The following GUCY1A2 variants were observed in gnomAD, a reference collection of about 807,000 sequenced individuals.
GUCY1A2 encodes the protein guanylate cyclase soluble subunit alpha-2.
Under a neutral mutation model 63.5 loss-of-function variants are expected in GUCY1A2, and 27 were observed. That is an observed-to-expected ratio of 0.43 (90% CI 0.31 to 0.59). The LOEUF is 0.59. Among genes scored for constraint, GUCY1A2 ranks in the 20% least tolerant of loss-of-function variants. The pLI is 0.11. For synonymous variants in GUCY1A2, 364 were observed against 343.5 expected (o/e 1.06, Z -0.66); for missense variants, 768 against 913.3 (o/e 0.84, Z 2.05).
chr11:106,777,012 T>G (rs1864369490), intron 5 of GUCY1A2, among the ~76,000 whole-genome samples: 1 of 152,176 alleles, frequency 6.6e-6, no homozygotes, highest in Non-Finnish European at 1.5e-5. Flanking sequence ...TTTAGATATA[T>G]CTGTAATTTT....
At chr11:106,900,101 A>T (rs1860109887) in intron 4 of GUCY1A2, among the ~76,000 whole-genome samples, 1 of 152,100 alleles carries the variant, frequency 6.6e-6, no homozygotes, top group Non-Finnish European at 1.5e-5. Flanking sequence ...AAAAAAAAAA[A>T]AACAATCTAT....
chr11:106,810,507 G>A (rs1858749177), intron 4 of GUCY1A2, 29 bp from the exon 5 acceptor site: 1 of 1,544,832 alleles, frequency 6.5e-7, no homozygotes, highest in Non-Finnish European at 8.7e-7. Context: ...ATTTTGATCA[G>A]TACTCTTCAC....
At chr11:106,872,194 T>C (rs767656987) in intron 4 of GUCY1A2, among the ~76,000 whole-genome samples, 3 of 152,146 alleles carry the variant, frequency 2.0e-5, no homozygotes, top group Admixed American at 6.6e-5. Context: ...CCTTGTAACA[T>C]AGGAATCATC....
rs943890099 is a variant in GUCY1A2 at position 106,676,445 on chromosome 11, G to A, written c.*11104C>T. ...ATTCTGGTGAATACTCAAAATTGTAGCTAAAAACAGCTATCTGAATATAGG... is the reference window on the plus strand; with the variant it reads ...ATTCTGGTGAATACTCAAAATTGTAACTAAAAACAGCTATCTGAATATAGG... On this transcript the variant is annotated 3_prime_UTR_variant, in exon 8 of 8. Transcript: ENST00000526355. 1 of 185,742 alleles carries A rather than the reference G, an allele frequency of 5.4e-6. No homozygotes were observed. The highest frequency in any genetic ancestry group is 1.1e-5 in the Non-Finnish European group (1 of 88,114). 11.5% of individuals were successfully genotyped at this position (185,742 alleles called of 1,614,324 possible).
chr11:106,732,978 C>T (rs2135372824), intron 6 of GUCY1A2, among the ~76,000 whole-genome samples: 1 of 152,252 alleles, frequency 6.6e-6, no homozygotes, highest in South Asian at 2.1e-4. Context: ...AAAAATAACA[C>T]AGGAATGGAA....
chr11:106,842,399 G>A (rs2200656), intron 4 of GUCY1A2, among the ~76,000 whole-genome samples: 84,219 of 151,794 alleles, frequency 0.55, 23,676 homozygotes, highest in Middle Eastern at 0.64. Context: ...AGGCCACTAT[G>A]TAGTCCCTTT....
intron 4 of GUCY1A2, among the ~76,000 whole-genome samples, chr11:106,829,197 C>T (rs904330536): frequency 6.6e-6 from 1 of 152,184 alleles, no homozygotes; most frequent in Admixed American, 6.5e-5. Flanking sequence ...TGCATTTTAT[C>T]GTCCTGCAGT....
At chr11:106,802,996 G>C (rs866256805) in intron 5 of GUCY1A2, among the ~76,000 whole-genome samples, 8 of 151,852 alleles carry the variant, frequency 5.3e-5, no homozygotes, top group South Asian at 4.2e-4. Context: ...ATATCGATAG[G>C]GACAAAAACC....
chr11:106,707,666 G>A (rs1046795958), intron 7 of GUCY1A2, among the ~76,000 whole-genome samples: 1 of 151,812 alleles, frequency 6.6e-6, no homozygotes, highest in Non-Finnish European at 1.5e-5. Flanking sequence ...TAAGTTTGGG[G>A]ATATAATGAT....
chr11:106,968,920 T>G (rs1197697573), intron 3 of GUCY1A2, among the ~76,000 whole-genome samples: 1 of 152,092 alleles, frequency 6.6e-6, no homozygotes, highest in Non-Finnish European at 1.5e-5. Flanking sequence ...AGATGTCACT[T>G]TAGGTACTAC....
At chr11:107,015,705 A>T (rs1306165975) in intron 1 of GUCY1A2, among the ~76,000 whole-genome samples, 1 of 151,752 alleles carries the variant, frequency 6.6e-6, no homozygotes, top group Non-Finnish European at 1.5e-5. Flanking sequence ...TATTGCACAA[A>T]TGTTGCTTTA....
At chr11:106,957,375 G>A (rs760104655) in intron 3 of GUCY1A2, among the ~76,000 whole-genome samples, 13 of 152,240 alleles carry the variant, frequency 8.5e-5, no homozygotes, top group Non-Finnish European at 1.8e-4. Context: ...CTCCAGCTGA[G>A]AGGCTGTAAG....
At chr11:106,781,112 C>CAAAAAAAAAAAAAAAAAAAAAA (rs565279937) in intron 5 of GUCY1A2, among the ~76,000 whole-genome samples, 1 of 89,032 alleles carries the variant, frequency 1.1e-5, no homozygotes, top group African/African-American at 4.1e-5. Context: ...AAACAGACTA[C>CAAAAAAAAAAAAAAAAAAAAAA]AAAAAAAAAA....
At position 106,729,072 on chromosome 11, in the gene GUCY1A2, A is replaced by G. The variant is rs564032074; in HGVS notation, c.1837-20406T>C. Among the ~76,000 whole-genome samples the G allele has an allele frequency of 1.4e-4, 22 of 152,320 alleles. No homozygotes were observed. The East Asian group carries it at 4.0e-3, about 28-fold the overall frequency. On this transcript the variant is annotated intron_variant, in intron 6 of 7. Coordinates refer to ENST00000526355, the MANE Select transcript of GUCY1A2 (RefSeq NM_000855.3). ...CCATGTGCTAGGTATAGAGGAATAA[A>G]TAAGACAGATGAGATGTCTGCTTTT...
intron 4 of GUCY1A2, among the ~76,000 whole-genome samples, chr11:106,898,176 T>C (rs1325379916): frequency 6.6e-6 from 1 of 152,160 alleles, no homozygotes; most frequent in Non-Finnish European, 1.5e-5. Context: ...ATGGCCAAAA[T>C]CCAGAACACT....
chr11:106,725,213 C>T lies in GUCY1A2; in HGVS notation c.1837-16547G>A, dbSNP rs1385688431. On this transcript the variant is annotated intron_variant, in intron 6 of 7. Coordinates refer to ENST00000526355, the MANE Select transcript of GUCY1A2 (RefSeq NM_000855.3). ...TTTGAGACGGAGTCTCGCTCTGTCG[C>T]CCAGGCTGGAGTGCAGTGGCGGGAT... 2.5e-5 allele frequency among the ~76,000 whole-genome samples: 2 copies of T among 78,534 alleles called. 1 individual carries two copies. The highest frequency in any genetic ancestry group is 4.6e-5 in the Non-Finnish European group (2 of 43,110). The allele number at this position is 78,534 out of a possible 152,430, so 51.5% of individuals were successfully genotyped here.
intron 7 of GUCY1A2, 111 bp from the exon 8 acceptor site, chr11:106,687,867 C>A (rs1862556717): frequency 1.4e-6 from 1 of 697,750 alleles, no homozygotes; most frequent in Non-Finnish European, 2.5e-6. Flanking sequence ...ATGGTAATAC[C>A]TCTATTTCTT....
chr11:106,755,981 TAA>T (rs1206459601), intron 6 of GUCY1A2, among the ~76,000 whole-genome samples: 1 of 152,230 alleles, frequency 6.6e-6, no homozygotes, highest in East Asian at 1.9e-4. Flanking sequence ...TGTGGGAGTC[TAA>T]GTCTCCTTGT....
At chr11:106,979,411 C>T (rs979834757) in intron 2 of GUCY1A2, among the ~76,000 whole-genome samples, 6 of 147,712 alleles carry the variant, frequency 4.1e-5, no homozygotes, top group African/African-American at 1.3e-4. Context: ...GCCGAGACTG[C>T]GCCACTGCAC....
Sources: gnomAD v4.1 joint callset for allele counts (sites outside exome capture counted in the v4.1 genomes callset) on GRCh38, gnomAD v4.1.1 for gene constraint, MANE v1.5 for transcripts, NCBI Gene and HGNC (gene_info 2026-07-23, HGNC 2026-07-21) for gene names.